The following AKAP19 variants were observed in gnomAD, a reference collection of about 807,000 sequenced individuals.
AKAP19 encodes A-kinase anchoring protein 19.
the AKAP19 span, among the ~76,000 whole-genome samples, chr2:190,070,046 G>A: frequency 6.6e-6 from 1 of 152,170 alleles, no homozygotes; most frequent in African/African-American, 2.4e-5. Context: ...GTTGAATTAA[G>A]AATTTTTTTA....
the AKAP19 span, among the ~76,000 whole-genome samples, chr2:189,906,983 A>C: frequency 1.3e-5 from 2 of 152,206 alleles, no homozygotes; most frequent in South Asian, 2.1e-4. Context: ...AAAAGACTGG[A>C]GGGAATTACA....
the AKAP19 span, among the ~76,000 whole-genome samples, chr2:189,896,052 T>TAA: frequency 6.6e-6 from 1 of 151,988 alleles, no homozygotes; most frequent in East Asian, 1.9e-4. Flanking sequence ...CATTTATGTA[T>TAA]GTTTTAGTCA....
chr2:190,180,807 G>A, the AKAP19 span: 2 of 985,302 alleles, frequency 2.0e-6, no homozygotes, highest in Non-Finnish European at 2.4e-6. The surrounding 1 kb of genome is among the most constrained non-coding windows in gnomAD (Gnocchi z 6.8). Context: ...GCGCGGCGGC[G>A]ACGGCAGGAG....
the AKAP19 span, among the ~76,000 whole-genome samples, chr2:190,177,413 A>G: frequency 6.6e-6 from 1 of 152,184 alleles, no homozygotes; most frequent in Non-Finnish European, 1.5e-5. This position sits in a 1 kb window ranked among gnomAD's most constrained non-coding sequence, Gnocchi z 4.6. Flanking sequence ...ATTATCAGAA[A>G]ACCAACTGAG....
the AKAP19 span, among the ~76,000 whole-genome samples, chr2:189,947,073 T>C: frequency 6.6e-6 from 1 of 152,230 alleles, no homozygotes; most frequent in Non-Finnish European, 1.5e-5. Context: ...ATCTGTCTTA[T>C]GAAATTGTTC....
At chr2:190,021,780 A>G in the AKAP19 span, among the ~76,000 whole-genome samples, 2 of 152,204 alleles carry the variant, frequency 1.3e-5, no homozygotes, top group Admixed American at 6.5e-5. Context: ...TCTTTGCCCA[A>G]TCCTGTTTCC....
the AKAP19 span, among the ~76,000 whole-genome samples, chr2:189,890,000 C>G: frequency 6.6e-6 from 1 of 152,218 alleles, no homozygotes; most frequent in East Asian, 1.9e-4. Context: ...TTCTCTAGTT[C>G]TTTTAATTGT....
chr2:189,910,156 CA>C, the AKAP19 span, among the ~76,000 whole-genome samples: 1 of 151,908 alleles, frequency 6.6e-6, no homozygotes, highest in Non-Finnish European at 1.5e-5. Context: ...TGTGCAACTA[CA>C]AGTGAAAGAG....
the AKAP19 span, among the ~76,000 whole-genome samples, chr2:189,921,078 C>T: frequency 3.2e-4 from 48 of 152,102 alleles, no homozygotes; most frequent in Middle Eastern, 3.4e-3. Flanking sequence ...ATCATTTCAG[C>T]GGAATTTCTG....
At chr2:189,953,033 T>C in the AKAP19 span, among the ~76,000 whole-genome samples, 1 of 152,194 alleles carries the variant, frequency 6.6e-6, no homozygotes, top group East Asian at 1.9e-4. Context: ...TTGTTATCTA[T>C]GCCAGTTGTA....
chr2:190,070,134 C>G, the AKAP19 span, among the ~76,000 whole-genome samples: 1 of 151,942 alleles, frequency 6.6e-6, no homozygotes, highest in African/African-American at 2.4e-5. Context: ...GTTCTTGGAC[C>G]CTATCCATGG....
chr2:189,897,522 CAATAAT>C, the AKAP19 span, among the ~76,000 whole-genome samples: 2 of 152,040 alleles, frequency 1.3e-5, no homozygotes, highest in African/African-American at 4.8e-5. Flanking sequence ...TCTTCAAAGA[CAATAAT>C]AAGAACATTT....
the AKAP19 span, among the ~76,000 whole-genome samples, chr2:190,162,195 C>A: frequency 6.6e-6 from 1 of 152,006 alleles, no homozygotes; most frequent in East Asian, 1.9e-4. Context: ...ATTAGGATAG[C>A]TTATAGGAAA....
chr2:190,111,058 A>C, the AKAP19 span, among the ~76,000 whole-genome samples: 2 of 152,112 alleles, frequency 1.3e-5, no homozygotes, highest in Non-Finnish European at 2.9e-5. Flanking sequence ...AGTGATTCTA[A>C]TTTTGTGCCA....
chr2:190,191,983 A>G, the AKAP19 span, among the ~76,000 whole-genome samples: 7 of 150,746 alleles, frequency 4.6e-5, no homozygotes, highest in African/African-American at 1.7e-4. Context: ...CTAGTTTACC[A>G]GTTTTTTTCT....
At chr2:190,180,758 C>T in the AKAP19 span, 35 of 985,138 alleles carry the variant, frequency 3.6e-5, no homozygotes, top group South Asian at 1.3e-3. The surrounding 1 kb of genome is among the most constrained non-coding windows in gnomAD (Gnocchi z 6.8). Flanking sequence ...CATCTGGAGG[C>T]CAGGTGCGGG....
At chr2:189,967,552 C>T in the AKAP19 span, among the ~76,000 whole-genome samples, 2 of 152,082 alleles carry the variant, frequency 1.3e-5, no homozygotes, top group African/African-American at 4.8e-5. Flanking sequence ...ATAAAACTAT[C>T]GGACTAAAAT....
chr2:190,163,373 G>A, the AKAP19 span, among the ~76,000 whole-genome samples: 1 of 151,644 alleles, frequency 6.6e-6, no homozygotes, highest in Non-Finnish European at 1.5e-5. Flanking sequence ...GGCAGAGCTT[G>A]CAGTGAGCCG....
the AKAP19 span, among the ~76,000 whole-genome samples, chr2:189,971,816 T>C: frequency 8.2e-6 from 1 of 121,978 alleles, no homozygotes; most frequent in Non-Finnish European, 1.7e-5. Context: ...TCACCCACTT[T>C]TTGATGGGGT....
Sources: allele counts gnomAD v4.1 joint callset (sites outside exome capture counted in the v4.1 genomes callset), GRCh38; gene constraint gnomAD v4.1.1; non-coding constraint Gnocchi (gnomAD v3.1); transcripts MANE v1.5; gene names NCBI Gene and HGNC (gene_info 2026-07-23, HGNC 2026-07-21).